The following KCNMA1 variants were observed in gnomAD, a reference collection of about 807,000 sequenced individuals.
The protein encoded by KCNMA1 is potassium calcium-activated channel subfamily M alpha 1.
In KCNMA1, 29 loss-of-function variants were observed where a neutral mutation model predicts 140.0. That is an observed-to-expected ratio of 0.21 (90% CI 0.15 to 0.28). The LOEUF is 0.28. KCNMA1 is among the 10% of genes least tolerant of loss of function. KCNMA1 has a pLI of 1.00. For synonymous variants in KCNMA1, 612 were observed against 611.9 expected (o/e 1.00, Z 0.00); for missense variants, 880 against 1,602.2 (o/e 0.55, Z 7.70).
chr10:77,145,489 C>G (rs886897349), intron 5 of KCNMA1, among the ~76,000 whole-genome samples: 5 of 152,164 alleles, frequency 3.3e-5, no homozygotes, highest in Non-Finnish European at 7.3e-5. Context: ...CCCATGGTGC[C>G]ACCTGGTATT....
intron 1 of KCNMA1, among the ~76,000 whole-genome samples, chr10:77,448,380 A>G (rs1211953681): frequency 6.6e-6 from 1 of 152,248 alleles, no homozygotes; most frequent in Non-Finnish European, 1.5e-5. Context: ...CACATGACAC[A>G]GAGAACAGGC....
At chr10:77,382,988 G>GTATATATATATA (rs2095470217) in intron 2 of KCNMA1, among the ~76,000 whole-genome samples, 6 of 44,978 alleles carry the variant, frequency 1.3e-4, no homozygotes, top group African/African-American at 7.0e-4. Flanking sequence ...GTGTGTGTGT[G>GTATATATATATA]TGTGTGTATA....
At position 77,241,738 on chromosome 10, in the gene KCNMA1, A is replaced by T. The variant is rs141039114; in HGVS notation, c.602+9457T>A. Among the ~76,000 whole-genome samples, 369 of 152,268 alleles carry T rather than the reference A, an allele frequency of 2.4e-3. 3 individuals are homozygous for T. Among genetic ancestry groups the T allele is most frequent in the African/African-American group, 8.5e-3 (352 of 41,554 alleles). On this transcript the variant is annotated intron_variant, in intron 3 of 27. Transcript: ENST00000286628. ...TGAGACTGAAGGATCACTTGAGCCAAAGAGGTCAAGGTTACAGTGAGCTAT... is the reference window on the plus strand; with the variant it reads ...TGAGACTGAAGGATCACTTGAGCCATAGAGGTCAAGGTTACAGTGAGCTAT...
chr10:77,281,410 G>A (rs2068548403), intron 2 of KCNMA1, among the ~76,000 whole-genome samples: 1 of 152,202 alleles, frequency 6.6e-6, no homozygotes, highest in African/African-American at 2.4e-5. Flanking sequence ...GCACCTTTGT[G>A]CAGTACTCAA....
chr10:77,338,060 C>T (rs1235388318), intron 2 of KCNMA1, among the ~76,000 whole-genome samples: 2 of 152,182 alleles, frequency 1.3e-5, no homozygotes, highest in Non-Finnish European at 1.5e-5. Flanking sequence ...CCTCTCTTTA[C>T]TAATACAATC....
chr10:76,879,785 A>G (rs2033848223), intron 29 of KCNMA1, among the ~76,000 whole-genome samples: 1 of 152,210 alleles, frequency 6.6e-6, no homozygotes, highest in Admixed American at 6.5e-5. Flanking sequence ...ACCATTATGC[A>G]TTTGTGGAAA....
At chr10:77,332,477 C>T (rs1202722814) in intron 2 of KCNMA1, among the ~76,000 whole-genome samples, 1 of 152,176 alleles carries the variant, frequency 6.6e-6, no homozygotes, top group Non-Finnish European at 1.5e-5. Flanking sequence ...GCCCATGGAT[C>T]ATTGATGATC....
chr10:77,193,136 G>T (rs1274539339), intron 3 of KCNMA1, among the ~76,000 whole-genome samples: 2 of 152,002 alleles, frequency 1.3e-5, no homozygotes, highest in Non-Finnish European at 2.9e-5. Flanking sequence ...CCAGTCATAT[G>T]TCTTGTAAAT....
downstream of KCNMA1, chr10:76,884,847 T>A: frequency 8.0e-7 from 1 of 1,251,982 alleles, no homozygotes; most frequent in Non-Finnish European, 1.1e-6. Flanking sequence ...CAGAACAATA[T>A]AAATAAAAAT....
At position 76,885,546 on chromosome 10, in the gene KCNMA1, A is replaced by T. The variant is rs2036519246; in HGVS notation, c.*1720T>A. On this transcript the variant is annotated 3_prime_UTR_variant, in exon 28 of 28. Coordinates refer to ENST00000286628, the MANE Select transcript of KCNMA1 (RefSeq NM_001161352.2). ...AGGGGACGGGGGATCCAAAATCTAAATCCAAAACATTCACCATAAAAACAC... is the reference window on the plus strand; with the variant it reads ...AGGGGACGGGGGATCCAAAATCTAATTCCAAAACATTCACCATAAAAACAC... 2 of 985,196 alleles carry T rather than the reference A, an allele frequency of 2.0e-6. No individual in the cohort carries two copies. The highest frequency in any genetic ancestry group is 9.4e-5 in the South Asian group (2 of 21,292). The allele number at this position is 985,196 out of a possible 1,614,324, so 61.0% of individuals were successfully genotyped here. A position where few individuals can be genotyped will look rare whatever the true frequency, so the allele number is the denominator to read the frequency against.
chr10:77,266,810 A>G (rs2063580306), intron 2 of KCNMA1, among the ~76,000 whole-genome samples: 1 of 152,208 alleles, frequency 6.6e-6, no homozygotes, highest in African/African-American at 2.4e-5. Context: ...AAAGGGTATC[A>G]ATCATGGCTG....
chr10:77,000,460 T>G (rs2085873071), intron 19 of KCNMA1, among the ~76,000 whole-genome samples: 1 of 152,092 alleles, frequency 6.6e-6, no homozygotes, highest in Admixed American at 6.5e-5. Flanking sequence ...AAGGGAGGTC[T>G]CAGGAAACTG....
chr10:77,156,598 G>T (rs1445826234), intron 5 of KCNMA1, among the ~76,000 whole-genome samples: 1 of 152,200 alleles, frequency 6.6e-6, no homozygotes, highest in Non-Finnish European at 1.5e-5. Context: ...AAGGCCATAA[G>T]GTTAGGGTTA....
intron 16 of KCNMA1, among the ~76,000 whole-genome samples, chr10:77,021,948 C>T (rs955068463): frequency 4.6e-5 from 7 of 152,112 alleles, no homozygotes; most frequent in Admixed American, 6.5e-5. Context: ...TTAATATTTT[C>T]GACATTAAGT....
intron 2 of KCNMA1, among the ~76,000 whole-genome samples, chr10:77,318,975 T>C (rs556107184): frequency 8.5e-5 from 13 of 152,292 alleles, no homozygotes; most frequent in Admixed American, 8.5e-4. Context: ...CAGAAGTGCA[T>C]TTGTTTATTC....
intron 2 of KCNMA1, among the ~76,000 whole-genome samples, chr10:77,377,901 T>C (rs2095229358): frequency 6.6e-6 from 1 of 152,196 alleles, no homozygotes; most frequent in South Asian, 2.1e-4. Context: ...GGCCAACCAG[T>C]TGCTTCACTC....
intron 1 of KCNMA1, among the ~76,000 whole-genome samples, chr10:77,464,625 T>G (rs1014971545): frequency 3.9e-5 from 6 of 152,066 alleles, no homozygotes; most frequent in Admixed American, 6.5e-5. Flanking sequence ...CTTCTGGGGC[T>G]CAGAGAGGTT....
At chr10:76,978,562 T>C (rs2078400390) in intron 19 of KCNMA1, 1 of 152,212 alleles carries the variant, frequency 6.6e-6, no homozygotes, top group Non-Finnish European at 1.5e-5. Context: ...AAAATCATCA[T>C]TGTGAATAAA....
At chr10:77,200,679 T>TACC (rs2042174293) in intron 3 of KCNMA1, among the ~76,000 whole-genome samples, 4 of 152,170 alleles carry the variant, frequency 2.6e-5, no homozygotes, top group African/African-American at 9.6e-5. Flanking sequence ...AGCTGTTCTT[T>TACC]CTGCTATTTG....
Sources: allele counts gnomAD v4.1 joint callset (sites outside exome capture counted in the v4.1 genomes callset), GRCh38; gene constraint gnomAD v4.1.1; transcripts MANE v1.5; gene names NCBI Gene and HGNC (gene_info 2026-07-23, HGNC 2026-07-21).